The following MAPKAP1 variants were observed in gnomAD, a reference collection of about 807,000 sequenced individuals.
The protein encoded by MAPKAP1 is MAPK associated protein 1, also known as target of rapamycin complex 2 subunit MAPKAP1.
MAPKAP1 carries 20 observed loss-of-function variants against 65.7 expected under a neutral mutation model. The observed-to-expected ratio is 0.30, with a 90% CI of 0.21 to 0.44. The LOEUF is 0.44. Among genes scored for constraint, MAPKAP1 ranks in the 20% least tolerant of loss-of-function variants. The probability of loss-of-function intolerance (pLI) is 1.00; values close to 1 mark genes in which losing one functional copy is unlikely to be tolerated. For synonymous variants in MAPKAP1, 222 were observed against 244.3 expected (o/e 0.91, Z 0.85); for missense variants, 423 against 648.0 (o/e 0.65, Z 3.77).
At chr9:125,445,248 G>A (rs942762647) in intron 10 of MAPKAP1, among the ~76,000 whole-genome samples, 5 of 152,190 alleles carry the variant, frequency 3.3e-5, no homozygotes, top group Non-Finnish European at 7.3e-5. Context: ...TCCATGCCCC[G>A]TCCTACCACC....
intron 10 of MAPKAP1, among the ~76,000 whole-genome samples, chr9:125,460,176 A>C (rs1853431357): frequency 6.6e-6 from 1 of 152,186 alleles, no homozygotes. Context: ...ATGGTAATCA[A>C]AATCTAGGAA....
intron 9 of MAPKAP1, among the ~76,000 whole-genome samples, chr9:125,473,339 C>T (rs892588320): frequency 1.3e-4 from 20 of 152,100 alleles, no homozygotes; most frequent in African/African-American, 4.3e-4. Flanking sequence ...TTACCAGCTC[C>T]CTCCCCTAAC....
intron 10 of MAPKAP1, among the ~76,000 whole-genome samples, chr9:125,464,143 CACTTGAGCCCAGGA>C (rs1853593642): frequency 7.4e-6 from 1 of 134,522 alleles, no homozygotes; most frequent in South Asian, 2.4e-4. Flanking sequence ...GTGGGAGGAT[CACTTGAGCCCAGGA>C]GTTTGAGCCC....
intron 5 of MAPKAP1, among the ~76,000 whole-genome samples, chr9:125,564,865 T>C (rs138293112): frequency 8.5e-5 from 13 of 152,210 alleles, no homozygotes; most frequent in African/African-American, 2.6e-4. Flanking sequence ...TGTTTCTGAG[T>C]CACCACCAGA....
At chr9:125,463,648 T>C (rs530044846) in intron 10 of MAPKAP1, among the ~76,000 whole-genome samples, 1 of 152,298 alleles carries the variant, frequency 6.6e-6, no homozygotes, top group South Asian at 2.1e-4. Context: ...CCAAATGGTG[T>C]TCTGGACAAA....
intron 1 of MAPKAP1, among the ~76,000 whole-genome samples, chr9:125,701,636 C>T (rs1381234349): frequency 6.6e-6 from 1 of 152,122 alleles, no homozygotes; most frequent in African/African-American, 2.4e-5. Context: ...GATGATTACC[C>T]CCTTTGTAAT....
At chr9:125,606,182 A>G (rs1832433827) in intron 4 of MAPKAP1, among the ~76,000 whole-genome samples, 1 of 152,070 alleles carries the variant, frequency 6.6e-6, no homozygotes, top group Admixed American at 6.5e-5. Flanking sequence ...CTAATCTTTT[A>G]AACTTCATTA....
intron 1 of MAPKAP1, among the ~76,000 whole-genome samples, chr9:125,690,415 T>C (rs1835131841): frequency 6.6e-6 from 1 of 152,142 alleles, no homozygotes; most frequent in Admixed American, 6.5e-5. Flanking sequence ...AGAGGGTGCA[T>C]AGGAGAGGCT....
intron 10 of MAPKAP1, among the ~76,000 whole-genome samples, chr9:125,466,443 C>T (rs776383292): frequency 1.3e-5 from 2 of 152,202 alleles, no homozygotes; most frequent in Non-Finnish European, 2.9e-5. Context: ...TCTAACCTTT[C>T]CACTCTAGCT....
chr9:125,678,761 T>C (rs1588066564), intron 1 of MAPKAP1, among the ~76,000 whole-genome samples: 1 of 152,252 alleles, frequency 6.6e-6, no homozygotes, highest in Middle Eastern at 3.4e-3. Flanking sequence ...TTTTACTAGG[T>C]TTTGATGGGC....
chr9:125,587,426 C>A (rs1325611023), intron 4 of MAPKAP1, among the ~76,000 whole-genome samples: 2 of 152,038 alleles, frequency 1.3e-5, no homozygotes, highest in Admixed American at 6.5e-5. Flanking sequence ...ATCAGCTGGG[C>A]GTGATGGCAG....
At chr9:125,492,344 T>C (rs937012444) in intron 8 of MAPKAP1, among the ~76,000 whole-genome samples, 1 of 152,214 alleles carries the variant, frequency 6.6e-6, no homozygotes, top group Middle Eastern at 3.2e-3. Flanking sequence ...GCCCCTGATA[T>C]CTATTTGGAC....
intron 7 of MAPKAP1, among the ~76,000 whole-genome samples, chr9:125,517,191 T>A (rs570399235): frequency 1.3e-5 from 2 of 152,212 alleles, no homozygotes; most frequent in South Asian, 4.2e-4. Context: ...TAGGTTTTGA[T>A]CTTTGGGTTA....
intron 6 of MAPKAP1, among the ~76,000 whole-genome samples, chr9:125,555,013 A>G (rs1004753800): frequency 2.0e-5 from 3 of 152,150 alleles, no homozygotes; most frequent in African/African-American, 4.8e-5. Flanking sequence ...TAAACCCAAC[A>G]TCAGCAATGT....
At chr9:125,614,515 T>C (rs12347721) in intron 4 of MAPKAP1, among the ~76,000 whole-genome samples, 44,554 of 151,870 alleles carry the variant, frequency 0.29, 7,011 homozygotes, top group Admixed American at 0.36. Flanking sequence ...TCCCAGCTAC[T>C]TGGGAGGCTA....
At chr9:125,511,573 A>G (rs917450039) in intron 7 of MAPKAP1, among the ~76,000 whole-genome samples, 4 of 152,244 alleles carry the variant, frequency 2.6e-5, no homozygotes, top group Non-Finnish European at 4.4e-5. Context: ...ATATCAAAGT[A>G]CAGTCTCCAT....
chr9:125,466,182 A>G (rs550938067), intron 10 of MAPKAP1, among the ~76,000 whole-genome samples: 2 of 152,306 alleles, frequency 1.3e-5, no homozygotes, highest in South Asian at 4.1e-4. Context: ...GAACTCAAGA[A>G]CAGCCTGGGC....
chr9:125,494,967 C>T (rs1032663676), intron 8 of MAPKAP1, among the ~76,000 whole-genome samples: 2 of 152,148 alleles, frequency 1.3e-5, no homozygotes, highest in African/African-American at 4.8e-5. Flanking sequence ...AAATATGTGC[C>T]CAAAGTGAAT....
At chr9:125,675,216 T>C (rs1834610826) in intron 1 of MAPKAP1, among the ~76,000 whole-genome samples, 2 of 152,166 alleles carry the variant, frequency 1.3e-5, no homozygotes. Context: ...TACTGAATAG[T>C]TCTCCCTTGC....
Sources: allele counts gnomAD v4.1 joint callset (sites outside exome capture counted in the v4.1 genomes callset), GRCh38; gene constraint gnomAD v4.1.1; transcripts MANE v1.5; gene names NCBI Gene and HGNC (gene_info 2026-07-23, HGNC 2026-07-21).